The following C1QTNF3 variants were observed in gnomAD, a reference collection of about 807,000 sequenced individuals.
C1QTNF3 encodes the protein complement C1q tumor necrosis factor-related protein 3.
In C1QTNF3, 26 loss-of-function variants were observed where a neutral mutation model predicts 32.6. The ratio of observed to expected loss-of-function variants is 0.80; its 90% CI spans 0.58 to 1.11. The LOEUF (loss-of-function observed/expected upper bound fraction) is 1.11, where lower values mean the gene tolerates loss of function less well. Ranked by LOEUF, C1QTNF3 falls within the 50% of genes least tolerant of loss-of-function variation. The pLI is 0.00. For synonymous variants in C1QTNF3, 155 were observed against 146.0 expected (o/e 1.06, Z -0.44); for missense variants, 362 against 398.2 (o/e 0.91, Z 0.77).
the C1QTNF3 span, among the ~76,000 whole-genome samples, chr5:34,227,174 AG>A: frequency 6.7e-6 from 1 of 150,122 alleles, no homozygotes; most frequent in Non-Finnish European, 1.5e-5. Context: ...GCTACTCACA[AG>A]AAGATGATTA....
the C1QTNF3 span, among the ~76,000 whole-genome samples, chr5:34,095,074 T>C: frequency 2.0e-5 from 3 of 152,076 alleles, no homozygotes; most frequent in Non-Finnish European, 4.4e-5. Context: ...ATAAATTTAA[T>C]GTTTGATAGT....
At chr5:34,059,718 T>A in the C1QTNF3 span, among the ~76,000 whole-genome samples, 1 of 152,152 alleles carries the variant, frequency 6.6e-6, no homozygotes, top group Non-Finnish European at 1.5e-5. Flanking sequence ...AATACAAACA[T>A]TCAGTCCATA....
chr5:34,176,271 GA>G, the C1QTNF3 span, among the ~76,000 whole-genome samples: 2 of 119,068 alleles, frequency 1.7e-5, no homozygotes, highest in African/African-American at 3.1e-5. Flanking sequence ...GGGGAGGGGG[GA>G]GGGATAGCAT....
chr5:34,197,495 C>G, the C1QTNF3 span, among the ~76,000 whole-genome samples: 9 of 152,234 alleles, frequency 5.9e-5, no homozygotes, highest in East Asian at 5.8e-4. Flanking sequence ...TTAGATTTTT[C>G]TATTAATTAT....
the C1QTNF3 span, among the ~76,000 whole-genome samples, chr5:34,053,514 G>A: frequency 6.6e-6 from 1 of 152,162 alleles, no homozygotes; most frequent in African/African-American, 2.4e-5. Flanking sequence ...CCAGTCAAAT[G>A]CTCATGCTCC....
the C1QTNF3 span, chr5:34,166,327 C>T: frequency 6.6e-6 from 1 of 151,646 alleles, no homozygotes; most frequent in Non-Finnish European, 1.5e-5. Flanking sequence ...CAACTGATTG[C>T]AACATATTTC....
chr5:34,200,657 T>C, the C1QTNF3 span: 136 of 152,282 alleles, frequency 8.9e-4, 1 homozygote, highest in Admixed American at 7.3e-3. Context: ...AGTGCATTTA[T>C]AATAAAATTA....
the C1QTNF3 span, among the ~76,000 whole-genome samples, chr5:34,066,813 C>T: frequency 1.8e-4 from 28 of 152,272 alleles, no homozygotes; most frequent in African/African-American, 6.7e-4. Flanking sequence ...CTTACTTATG[C>T]AAATCTCTGC....
chr5:34,043,191 G>A lies in C1QTNF3; in HGVS notation c.-66C>T, dbSNP rs1033623184. ...AGAGCTCCAGGAGCGTGGTCTCCTC[G>A]GGCAGATGCCAGGACTGGAGCTGAG... On this transcript the variant is annotated 5_prime_UTR_variant, in exon 1 of 6. Coordinates refer to ENST00000382065, the MANE Select transcript of C1QTNF3 (RefSeq NM_181435.6). 7.6e-5 allele frequency: 115 copies of A among 1,515,358 alleles called. No individual in the cohort carries two copies. Among genetic ancestry groups the A allele is most frequent in the Middle Eastern group, 2.4e-4 (1 of 4,238 alleles). 93.9% of individuals were successfully genotyped at this position (1,515,358 alleles called of 1,614,324 possible).
At chr5:34,168,749 G>T in the C1QTNF3 span, 1 of 152,148 alleles carries the variant, frequency 6.6e-6, no homozygotes, top group Non-Finnish European at 1.5e-5. Flanking sequence ...ACATGAAGCA[G>T]TCTCATCACA....
At chr5:34,078,597 CACTTGG>C in the C1QTNF3 span, among the ~76,000 whole-genome samples, 1 of 151,614 alleles carries the variant, frequency 6.6e-6, no homozygotes, top group Non-Finnish European at 1.5e-5. The surrounding 1 kb of genome is among the most constrained non-coding windows in gnomAD (Gnocchi z 4.0). Context: ...TCTCCCCTGA[CACTTGG>C]GGATTACAAT....
chr5:34,047,947 G>A (rs1755013862), upstream of C1QTNF3, among the ~76,000 whole-genome samples: 1 of 152,138 alleles, frequency 6.6e-6, no homozygotes, highest in Non-Finnish European at 1.5e-5. Context: ...GAGGAACAAA[G>A]GAATAAGAGA....
chr5:34,162,300 G>A, the C1QTNF3 span, among the ~76,000 whole-genome samples: 3 of 152,004 alleles, frequency 2.0e-5, no homozygotes, highest in Non-Finnish European at 4.4e-5. Flanking sequence ...AGCAAGAATG[G>A]GCCAAACTTG....
chr5:34,032,488 G>A (rs1323020080), intron 3 of C1QTNF3, among the ~76,000 whole-genome samples: 1 of 152,180 alleles, frequency 6.6e-6, no homozygotes, highest in Middle Eastern at 3.2e-3. Flanking sequence ...GACAAGAAAA[G>A]CTCAAGTAAA....
chr5:34,119,501 A>G, the C1QTNF3 span, among the ~76,000 whole-genome samples: 1 of 152,132 alleles, frequency 6.6e-6, no homozygotes, highest in Non-Finnish European at 1.5e-5. Context: ...ATTGTTTTCT[A>G]TTGCAGCTAT....
At chr5:34,236,756 A>G in the C1QTNF3 span, among the ~76,000 whole-genome samples, 1 of 151,182 alleles carries the variant, frequency 6.6e-6, no homozygotes. Context: ...TTGTGTTTTT[A>G]GTACACATGG....
the C1QTNF3 span, chr5:34,166,602 T>C: frequency 1.3e-5 from 2 of 152,154 alleles, no homozygotes; most frequent in African/African-American, 2.4e-5. Context: ...TTTTAAATAT[T>C]AGACAATGGG....
the C1QTNF3 span, among the ~76,000 whole-genome samples, chr5:34,067,232 GTCT>G: frequency 3.4e-4 from 52 of 152,272 alleles, no homozygotes; most frequent in Middle Eastern, 3.4e-3. Flanking sequence ...AGATTTCCTT[GTCT>G]TCTTCTGAGC....
At chr5:34,173,228 A>C in the C1QTNF3 span, among the ~76,000 whole-genome samples, 2 of 152,146 alleles carry the variant, frequency 1.3e-5, no homozygotes, top group Non-Finnish European at 2.9e-5. Context: ...GAATTTAGTA[A>C]AGCAACTTTA....
Sources: allele counts gnomAD v4.1 joint callset (sites outside exome capture counted in the v4.1 genomes callset), GRCh38; gene constraint gnomAD v4.1.1; non-coding constraint Gnocchi (gnomAD v3.1); transcripts MANE v1.5; gene names NCBI Gene and HGNC (gene_info 2026-07-23, HGNC 2026-07-21).